SIPA1L3: variants seen among roughly 807,000 people sequenced by gnomAD.
SIPA1L3 encodes signal induced proliferation associated 1 like 3.
In SIPA1L3, 59 loss-of-function variants were observed where a neutral mutation model predicts 150.1. That is an observed-to-expected ratio of 0.39 (90% CI 0.32 to 0.49). SIPA1L3 has a LOEUF of 0.49. Ranked by LOEUF, SIPA1L3 falls within the 20% of genes least tolerant of loss-of-function variation. SIPA1L3 has a pLI of 0.86. For synonymous variants in SIPA1L3, 1,070 were observed against 1,077.6 expected (o/e 0.99, Z 0.14); for missense variants, 2,211 against 2,489.5 (o/e 0.89, Z 2.38).
At chr19:38,032,495 C>T (rs1403393083) in intron 2 of SIPA1L3, among the ~76,000 whole-genome samples, 1 of 152,172 alleles carries the variant, frequency 6.6e-6, no homozygotes, top group Non-Finnish European at 1.5e-5. Context: ...AAACTCCTTA[C>T]CTTAAGGGAA....
At chr19:38,061,096 A>C (rs1969436575) in intron 2 of SIPA1L3, among the ~76,000 whole-genome samples, 1 of 152,160 alleles carries the variant, frequency 6.6e-6, no homozygotes, top group South Asian at 2.1e-4. Flanking sequence ...ATCCCTTGTA[A>C]TATTGCACTT....
rs1218434529 is a variant in SIPA1L3 at position 38,152,923 on chromosome 19, G to A, written c.3617G>A (p.Gly1206Asp). The A allele has an allele frequency of 6.2e-7, 1 of 1,613,554 alleles. No individual in the cohort carries two copies. Among genetic ancestry groups the A allele is most frequent in the Admixed American group, 1.7e-5 (1 of 59,936 alleles). ...DGTSSGDSSS[G>D]GLTSQESTME... ...ACGTCCAGCGGCGACTCCTCTTCCGGCGGCCTGACCAGCCAGGAGAGCACC... is the reference window on the plus strand; with the variant it reads ...ACGTCCAGCGGCGACTCCTCTTCCGACGGCCTGACCAGCCAGGAGAGCACC... The change falls in exon 13 of 22, where the codon GGC (glycine) becomes GAC (aspartate). Residue 1206 changes from glycine (G) to aspartate (D), a missense_variant. Gly to Asp is a moderately conservative substitution (Grantham distance 94). This residue lies in a region of SIPA1L3 where 806 missense variants were observed against 870.1 expected (regional missense o/e 0.93). Transcript: ENST00000222345.
At chr19:38,050,186 T>C (rs1434198549) in intron 2 of SIPA1L3, among the ~76,000 whole-genome samples, 1 of 152,248 alleles carries the variant, frequency 6.6e-6, no homozygotes, top group Non-Finnish European at 1.5e-5. Context: ...CTGGGCATGG[T>C]GGCTCACGCC....
chr19:38,141,529 C>G, intron 11 of SIPA1L3, 94 bp downstream of exon 11: 1 of 1,318,912 alleles, frequency 7.6e-7, no homozygotes, highest in Non-Finnish European at 1.0e-6. Flanking sequence ...CCTCCATCCT[C>G]TTCCTCGCCT....
chr19:38,124,595 G>A (rs1257385937), intron 9 of SIPA1L3, among the ~76,000 whole-genome samples: 13 of 152,166 alleles, frequency 8.5e-5, no homozygotes, highest in Non-Finnish European at 1.6e-4. Context: ...CTTCCCAGAC[G>A]GGGTGGCGGC....
intron 1 of SIPA1L3, among the ~76,000 whole-genome samples, chr19:37,970,779 A>G (rs1966914100): frequency 2.6e-5 from 4 of 152,196 alleles, no homozygotes; most frequent in Admixed American, 6.5e-5. Flanking sequence ...CGTTCTAAAG[A>G]TGTCGGGTAT....
intron 1 of SIPA1L3, among the ~76,000 whole-genome samples, chr19:37,951,117 A>G (rs2046760045): frequency 6.6e-6 from 1 of 152,380 alleles, no homozygotes; most frequent in East Asian, 1.9e-4. Context: ...CACTGGGGAT[A>G]TGGCAGGGAA....
At position 38,152,822 on chromosome 19, in the gene SIPA1L3, T is replaced by A; in HGVS notation, c.3534-18T>A. ...GGCTGATCTTTAACCCTGGGCACGTTCTTCTCATCCCCTGCAGGTACACGG... is the reference window on the plus strand; with the variant it reads ...GGCTGATCTTTAACCCTGGGCACGTACTTCTCATCCCCTGCAGGTACACGG... On this transcript the variant is annotated intron_variant, in intron 12 of 21. Transcript: ENST00000222345. The A allele has an allele frequency of 6.2e-7, 1 of 1,600,308 alleles. No homozygotes were observed. Among genetic ancestry groups the A allele is most frequent in the African/African-American group, 1.3e-5 (1 of 74,818 alleles).
intron 2 of SIPA1L3, among the ~76,000 whole-genome samples, chr19:38,031,875 A>G (rs1568511108): frequency 6.6e-6 from 1 of 152,216 alleles, no homozygotes; most frequent in African/African-American, 2.4e-5. Context: ...GCTTGAGCCC[A>G]GGATGCGGAG....
chr19:38,079,247 G>A (rs1347908495), intron 2 of SIPA1L3, among the ~76,000 whole-genome samples: 1 of 152,132 alleles, frequency 6.6e-6, no homozygotes, highest in African/African-American at 2.4e-5. Context: ...GCAGGAGAAT[G>A]GCGTGAACCC....
intron 2 of SIPA1L3, among the ~76,000 whole-genome samples, chr19:38,031,189 CAT>C (rs1314626852): frequency 3.3e-5 from 5 of 152,186 alleles, no homozygotes; most frequent in Non-Finnish European, 7.3e-5. Context: ...ACAAAGTTCA[CAT>C]GTCTACCCTA....
At chr19:38,042,893 C>A (rs929955590) in intron 2 of SIPA1L3, among the ~76,000 whole-genome samples, 1 of 152,118 alleles carries the variant, frequency 6.6e-6, no homozygotes, top group East Asian at 1.9e-4. Flanking sequence ...TAAAGATGGC[C>A]TTTGGAATGT....
intron 11 of SIPA1L3, among the ~76,000 whole-genome samples, chr19:38,141,684 T>A (rs1336988603): frequency 6.6e-6 from 1 of 152,208 alleles, no homozygotes; most frequent in Non-Finnish European, 1.5e-5. Flanking sequence ...AGTAGACGAC[T>A]GAAGCTCTGC....
At chr19:37,929,211 C>T (rs184742232) in intron 1 of SIPA1L3, among the ~76,000 whole-genome samples, 344 of 152,082 alleles carry the variant, frequency 2.3e-3, no homozygotes, top group Non-Finnish European at 2.9e-3. Context: ...GGGCTGGAGC[C>T]GGGGCCAGCC....
Position 38,020,808 on chromosome 19 carries a change from G to GT in SIPA1L3, c.-378-8271dup, listed in dbSNP as rs112894506. ...CACAATTCATCTCTGAGTTTTTTTT[G>GT]TTTTTTTTTTGTTTTTTGAGATGGA... On this transcript the variant is annotated intron_variant, in intron 1 of 21. Transcript: ENST00000222345. Among the ~76,000 whole-genome samples the GT allele has an allele frequency of 9.1e-3, 1,351 of 147,806 alleles. 17 individuals are homozygous for GT. Among genetic ancestry groups the GT allele is most frequent in the African/African-American group, 0.022 (894 of 40,554 alleles).
chr19:38,031,700 T>C (rs1283713708), intron 2 of SIPA1L3, among the ~76,000 whole-genome samples: 1 of 152,204 alleles, frequency 6.6e-6, no homozygotes, highest in Admixed American at 6.6e-5. Context: ...CTTTTCCCTT[T>C]GTAATTAATG....
chr19:38,176,239 C>T (rs75314418), intron 15 of SIPA1L3, among the ~76,000 whole-genome samples: 11,449 of 151,900 alleles, frequency 0.075, 1,251 homozygotes, highest in African/African-American at 0.23. Flanking sequence ...TCTCAAACTC[C>T]TGACCTCGGG....
In SIPA1L3 at chr19:38,177,087, C is replaced by T. The variant is rs369463330; in HGVS notation, c.4209-5432C>T. The stretch of plus-strand genomic sequence containing the variant: ...AAAATTCTAGTTTAGCTGGGCCGGG[C>T]GCGGTGGCTCACTCCTGTAATCCTA... On this transcript the variant is annotated intron_variant, in intron 15 of 21. Coordinates refer to ENST00000222345, the MANE Select transcript of SIPA1L3 (RefSeq NM_015073.3). Among the ~76,000 whole-genome samples, 195 of 152,184 alleles carry T rather than the reference C, an allele frequency of 1.3e-3. 3 individuals are homozygous for T. In the South Asian group the frequency reaches 0.024, roughly 19 times the overall value.
chr19:38,037,447 C>A (rs1968817953), intron 2 of SIPA1L3, among the ~76,000 whole-genome samples: 1 of 152,152 alleles, frequency 6.6e-6, no homozygotes, highest in Admixed American at 6.6e-5. Context: ...ACCTGTGTAA[C>A]TGCAGGGTCA....
Sources: gnomAD v4.1 joint callset for allele counts (sites outside exome capture counted in the v4.1 genomes callset) on GRCh38, gnomAD v4.1.1 for gene constraint, gnomAD v4.1.1 regional missense constraint, MANE v1.5 for transcripts, NCBI Gene and HGNC (gene_info 2026-07-23, HGNC 2026-07-21) for gene names.